Variants in PEX26 observed in about 807,000 individuals in gnomAD.
PEX26 encodes the protein peroxisomal biogenesis factor 26.
In PEX26, 18 loss-of-function variants were observed where a neutral mutation model predicts 31.4. The ratio of observed to expected loss-of-function variants is 0.57; its 90% CI spans 0.40 to 0.85. The LOEUF (loss-of-function observed/expected upper bound fraction) is 0.85, where lower values mean the gene tolerates loss of function less well. Among genes scored for constraint, PEX26 ranks in the 40% least tolerant of loss-of-function variants. The pLI is 0.00. For synonymous variants in PEX26, 176 were observed against 166.9 expected, an observed-to-expected ratio of 1.05 and a Z score of -0.42; for missense variants, 377 against 383.9, an observed-to-expected ratio of 0.98 and a Z score of 0.15.
intron 4 of PEX26, among the ~76,000 whole-genome samples, chr22:18,087,603 C>T (rs925214009): frequency 1.3e-5 from 2 of 152,186 alleles, no homozygotes; most frequent in Non-Finnish European, 2.9e-5. Flanking sequence ...TCTCGTAAAC[C>T]CTGGTCTCCT....
At position 18,103,956 on chromosome 22, in the gene PEX26, T is replaced by C. The variant is rs925995131; in HGVS notation, c.*15881T>C. Reference sequence around the variant, plus strand: ...GGTTTTTGAAAGTGGATCTACAACATTGATAGAGATCAGTTTTTCTGCTCT... The same window carrying C: ...GGTTTTTGAAAGTGGATCTACAACACTGATAGAGATCAGTTTTTCTGCTCT... On this transcript the variant is annotated 3_prime_UTR_variant, in exon 5 of 5. Transcript: ENST00000399744. 3 of 152,198 alleles carry C rather than the reference T, an allele frequency of 2.0e-5. No homozygotes were observed. Among genetic ancestry groups the C allele is most frequent in the African/African-American group, 4.8e-5 (2 of 41,442 alleles). 9.4% of individuals were successfully genotyped at this position (152,198 alleles called of 1,614,324 possible).
In PEX26 at chr22:18,087,976, C is replaced by G. The variant is rs770074162; in HGVS notation, c.819C>G (p.Ser273=). The change falls in exon 5 of 5, where the codon TCC becomes TCG. Residue 273 remains serine, a synonymous_variant. Coordinates refer to ENST00000399744, the MANE Select transcript of PEX26 (RefSeq NM_001127649.3). The stretch of plus-strand genomic sequence containing the variant: ...TAGTCTCCCTCTGCCCTGCAGCTTC[C>G]CCTTCCTCCCTGCACTTCCTCTACA... ...CLLVVRFDPA[S]PSSLHFLYKL... 6 of 1,609,098 alleles carry G rather than the reference C, an allele frequency of 3.7e-6. No individual in the cohort carries two copies. The highest frequency in any genetic ancestry group is 2.6e-6 in the Non-Finnish European group (3 of 1,175,640).
chr22:18,078,008 G>T lies in PEX26; in HGVS notation c.-369G>T, dbSNP rs1926356796. ...GGACGCCGCGCGGCTGCGGGGCTGG[G>T]CGAGCGCAAAGATGTCCGCGCCCGC... On this transcript the variant is annotated 5_prime_UTR_variant, in exon 1 of 5. Coordinates refer to ENST00000399744, the MANE Select transcript of PEX26 (RefSeq NM_001127649.3). The T allele has an allele frequency of 2.2e-6, 1 of 456,592 alleles. No individual in the cohort carries two copies. Among genetic ancestry groups the T allele is most frequent in the African/African-American group, 2.0e-5 (1 of 50,078 alleles). The allele number at this position is 456,592 out of a possible 1,614,324, so 28.3% of individuals were successfully genotyped here. A position where few individuals can be genotyped will look rare whatever the true frequency, so the allele number is the denominator to read the frequency against.
rs1042707215 is a variant in PEX26, at chr22:18,096,514, G to C, written c.*8439G>C. 1.3e-5 allele frequency: 2 copies of C among 151,878 alleles called. No homozygotes were observed. The highest frequency in any genetic ancestry group is 2.9e-5 in the Non-Finnish European group (2 of 68,024). The allele number at this position is 151,878 out of a possible 1,614,324, so 9.4% of individuals were successfully genotyped here. A position where few individuals can be genotyped will look rare whatever the true frequency, so the allele number is the denominator to read the frequency against. ...GCTCACTGCAAGCTCTGCCTCCCAG[G>C]TTCATGCCATTCTTCTGCCTCAGCC... On this transcript the variant is annotated 3_prime_UTR_variant, in exon 5 of 5. Coordinates refer to ENST00000399744, the MANE Select transcript of PEX26 (RefSeq NM_001127649.3).
Position 18,079,973 on chromosome 22 carries a change from C to G in PEX26, c.330C>G (p.Tyr110Ter). The G allele has an allele frequency of 6.2e-7, 1 of 1,614,078 alleles. No individual in the cohort carries two copies. ...QEVLSWVLQY[Y>*]QVPEKLPPKV... The stretch of plus-strand genomic sequence containing the variant: ...TCCTCTCCTGGGTCCTTCAGTATTA[C>G]CAGGTCCCTGAAAAGCTACCCCCCA... The change falls in exon 2 of 5, where the codon TAC becomes TAG. Residue 110 changes from tyrosine (Y) to a stop codon, truncating the protein, a stop_gained. Transcript: ENST00000399744. LOFTEE classifies it high-confidence loss of function.
At position 18,100,009 on chromosome 22, in the gene PEX26, T is replaced by C. The variant is rs989741122; in HGVS notation, c.*11934T>C. The C allele has an allele frequency of 5.3e-5, 8 of 152,232 alleles. No individual in the cohort carries two copies. Among genetic ancestry groups the C allele is most frequent in the Non-Finnish European group, 2.9e-5 (2 of 68,042 alleles). 9.4% of individuals were successfully genotyped at this position (152,232 alleles called of 1,614,324 possible). A position where few individuals can be genotyped will look rare whatever the true frequency, so the allele number is the denominator to read the frequency against. On this transcript the variant is annotated 3_prime_UTR_variant, in exon 5 of 5. Coordinates refer to ENST00000399744, the MANE Select transcript of PEX26 (RefSeq NM_001127649.3). The stretch of plus-strand genomic sequence containing the variant: ...TTTGGGGGGCCAAAATTCAATCCCC[T>C]AATCCATGTTAGTAACCATGCAGTG...
Position 18,078,325 on chromosome 22 carries a change from G to A in PEX26, c.-52G>A. On this transcript the variant is annotated 5_prime_UTR_variant, in exon 1 of 5. Coordinates refer to ENST00000399744, the MANE Select transcript of PEX26 (RefSeq NM_001127649.3). ...ACTCGGGATATCCCGGAGCCTCTGG[G>A]GAGGCGGTCACTCCGACGTCTGAGG... 1 of 1,326,568 alleles carries A rather than the reference G, an allele frequency of 7.5e-7. No individual in the cohort carries two copies. Among genetic ancestry groups the A allele is most frequent in the Non-Finnish European group, 1.1e-6 (1 of 936,530 alleles). 82.2% of individuals were successfully genotyped at this position (1,326,568 alleles called of 1,614,324 possible).
At position 18,090,370 on chromosome 22, in the gene PEX26, G is replaced by C. The variant is rs891206972; in HGVS notation, c.*2295G>C. 2.0e-5 allele frequency: 3 copies of C among 152,280 alleles called. No homozygotes were observed. The highest frequency in any genetic ancestry group is 7.2e-5 in the African/African-American group (3 of 41,446). 9.4% of individuals were successfully genotyped at this position (152,280 alleles called of 1,614,324 possible). ...TGTTGATTATATGTGCGGCCTTCCA[G>C]CTGCCCACCATCACAGCTACAGCTC... On this transcript the variant is annotated 3_prime_UTR_variant, in exon 5 of 5. Coordinates refer to ENST00000399744, the MANE Select transcript of PEX26 (RefSeq NM_001127649.3).
At position 18,078,334 on chromosome 22, in the gene PEX26, C is replaced by T. The variant is rs1373041528; in HGVS notation, c.-43C>T. The T allele has an allele frequency of 7.0e-7, 1 of 1,421,480 alleles. No individual in the cohort carries two copies. Among genetic ancestry groups the T allele is most frequent in the Non-Finnish European group, 9.8e-7 (1 of 1,019,974 alleles). 88.1% of individuals were successfully genotyped at this position (1,421,480 alleles called of 1,614,324 possible). A position where few individuals can be genotyped will look rare whatever the true frequency, so the allele number is the denominator to read the frequency against. ...ATCCCGGAGCCTCTGGGGAGGCGGTCACTCCGACGTCTGAGGACCTGGGCC... is the reference window on the plus strand; with the variant it reads ...ATCCCGGAGCCTCTGGGGAGGCGGTTACTCCGACGTCTGAGGACCTGGGCC... On this transcript the variant is annotated 5_prime_UTR_variant, in exon 1 of 5. Transcript: ENST00000399744.
In PEX26 at chr22:18,098,815, C is replaced by G. The variant is rs1430874991; in HGVS notation, c.*10740C>G. The G allele has an allele frequency of 6.6e-6, 1 of 150,968 alleles. No homozygotes were observed. The highest frequency in any genetic ancestry group is 2.4e-5 in the African/African-American group (1 of 41,064). The allele number at this position is 150,968 out of a possible 1,614,324, so 9.4% of individuals were successfully genotyped here. A position where few individuals can be genotyped will look rare whatever the true frequency, so the allele number is the denominator to read the frequency against. On this transcript the variant is annotated 3_prime_UTR_variant, in exon 5 of 5. Transcript: ENST00000399744. ...CATATGCAATGGAGTAATGAAAATA[C>G]TATATAATAAATATAAAATGGATTA...
chr22:18,083,352 G>A (rs754875347), intron 2 of PEX26, 85 bp from the exon 3 acceptor site: 68 of 1,379,076 alleles, frequency 4.9e-5, no homozygotes, highest in Non-Finnish European at 6.4e-5. Flanking sequence ...GGCTGGATAG[G>A]AGAAGCATAG....
chr22:18,080,022 T>G lies in PEX26; in HGVS notation c.371+8T>G, dbSNP rs778162874. ...CAAAGTCCTGGAGCTGTGGTAAGTCTTCTTTGCTGACTCATCAGATCGGTT... is the reference window on the plus strand; with the variant it reads ...CAAAGTCCTGGAGCTGTGGTAAGTCGTCTTTGCTGACTCATCAGATCGGTT... On this transcript the variant is annotated splice_region_variant and intron_variant, in intron 2 of 4. Transcript: ENST00000399744. The G allele has an allele frequency of 2.7e-5, 44 of 1,614,110 alleles. No individual in the cohort carries two copies. The highest frequency in any genetic ancestry group is 3.6e-5 in the Non-Finnish European group (43 of 1,179,980).
At chr22:18,086,637 A>G (rs113129535) in intron 4 of PEX26, among the ~76,000 whole-genome samples, 1 of 152,220 alleles carries the variant, frequency 6.6e-6, no homozygotes, top group Non-Finnish European at 1.5e-5. Context: ...CAAACTTGGC[A>G]CTCGCTCTTT....
intron 4 of PEX26, 43 bp from the exon 5 acceptor site, chr22:18,087,929 G>T: frequency 8.1e-7 from 1 of 1,227,484 alleles, no homozygotes; most frequent in Non-Finnish European, 1.2e-6. Context: ...AGTGACAGGT[G>T]AGAGGGGTGG....
chr22:18,098,348 C>T lies in PEX26; in HGVS notation c.*10273C>T, dbSNP rs1260844902. On this transcript the variant is annotated 3_prime_UTR_variant, in exon 5 of 5. Coordinates refer to ENST00000399744, the MANE Select transcript of PEX26 (RefSeq NM_001127649.3). ...TAATCTCGGGTCCAATTTTTCTCAC[C>T]TCCAAGATGGGGACAAAAATTATCT... 2.6e-5 allele frequency: 4 copies of T among 152,042 alleles called. No individual in the cohort carries two copies. Among genetic ancestry groups the T allele is most frequent in the Non-Finnish European group, 5.9e-5 (4 of 68,004 alleles). The allele number at this position is 152,042 out of a possible 1,614,324, so 9.4% of individuals were successfully genotyped here. A position where few individuals can be genotyped will look rare whatever the true frequency, so the allele number is the denominator to read the frequency against.
In PEX26 at chr22:18,078,110, C is replaced by T. The variant is rs552764296; in HGVS notation, c.-267C>T. On this transcript the variant is annotated 5_prime_UTR_variant, in exon 1 of 5. Transcript: ENST00000399744. ...GCAGTTCCTGCACGTGTCGCGGGGC[C>T]GGAGAAGCTAGGGCCAGGTATTCCA... 10 of 631,472 alleles carry T rather than the reference C, an allele frequency of 1.6e-5. No individual in the cohort carries two copies. The African/African-American group carries it at 1.6e-4, about 10-fold the overall frequency. The allele number at this position is 631,472 out of a possible 1,614,324, so 39.1% of individuals were successfully genotyped here.
rs1927402142 is a variant in PEX26 at position 18,099,899 on chromosome 22, G to C, written c.*11824G>C. 1 of 152,100 alleles carries C rather than the reference G, an allele frequency of 6.6e-6. No individual in the cohort carries two copies. 9.4% of individuals were successfully genotyped at this position (152,100 alleles called of 1,614,324 possible). Reference sequence around the variant, plus strand: ...TGAATTTAAGAGCCACCCTAATCCAGGATGATCTCATCTTGAGGTCCTCAA... The same window carrying C: ...TGAATTTAAGAGCCACCCTAATCCACGATGATCTCATCTTGAGGTCCTCAA... On this transcript the variant is annotated 3_prime_UTR_variant, in exon 5 of 5. Coordinates refer to ENST00000399744, the MANE Select transcript of PEX26 (RefSeq NM_001127649.3).
chr22:18,086,081 T>C (rs546515678), intron 4 of PEX26, among the ~76,000 whole-genome samples: 1 of 152,026 alleles, frequency 6.6e-6, no homozygotes, highest in African/African-American at 2.4e-5. Flanking sequence ...GTGGATCACC[T>C]GAGGTCAGGA....
chr22:18,078,881 T>G (rs1325245859), intron 1 of PEX26: 1 of 618,550 alleles, frequency 1.6e-6, no homozygotes, highest in East Asian at 3.1e-5. Context: ...GTGTATTAAG[T>G]GCTAAGTTCT....
Sources: gnomAD v4.1 joint callset for allele counts (sites outside exome capture counted in the v4.1 genomes callset) on GRCh38, gnomAD v4.1.1 for gene constraint, MANE v1.5 for transcripts, NCBI Gene and HGNC (gene_info 2026-07-23, HGNC 2026-07-21) for gene names.